The following SPAG16 variants were observed in gnomAD, a reference collection of about 807,000 sequenced individuals.
SPAG16 encodes the protein sperm-associated antigen 16 protein.
SPAG16 carries 86 observed loss-of-function variants against 80.4 expected under a neutral mutation model. That is an observed-to-expected ratio of 1.07 (90% CI 0.90 to 1.28). The LOEUF (loss-of-function observed/expected upper bound fraction) is 1.28. SPAG16 is among the 50% of genes most tolerant of loss of function. The pLI, the probability that SPAG16 is intolerant of heterozygous loss-of-function variation, is 0.00. For missense variants in SPAG16, 870 were observed against 765.3 expected (o/e 1.14, Z -1.61); for synonymous variants, 294 against 265.9 (o/e 1.11, Z -1.03).
chr2:214,208,096 C>T (rs1223417036), intron 15 of SPAG16, among the ~76,000 whole-genome samples: 8 of 152,184 alleles, frequency 5.3e-5, no homozygotes. Flanking sequence ...ACCAATTCTC[C>T]TTAATAACTC....
chr2:213,717,961 C>T (rs1338538190), intron 10 of SPAG16, among the ~76,000 whole-genome samples: 2 of 151,868 alleles, frequency 1.3e-5, no homozygotes, highest in East Asian at 1.9e-4. Flanking sequence ...GACTAAAACA[C>T]GAAAAGCAAT....
rs370197905 is a variant in SPAG16, at chr2:213,677,975, C to T, written c.1071-184510C>T. On this transcript the variant is annotated intron_variant, in intron 10 of 15. Transcript: ENST00000331683. The stretch of plus-strand genomic sequence containing the variant: ...CAGGATTAAGAAACTCACTCAAAAC[C>T]GCTCAACTACATGGAAACTGAACAA... Among the ~76,000 whole-genome samples, 501 of 151,828 alleles carry T rather than the reference C, an allele frequency of 3.3e-3. 5 individuals are homozygous for T. The highest frequency in any genetic ancestry group is 0.011 in the African/African-American group (462 of 41,406).
At chr2:213,946,653 A>C (rs1004715454) in intron 12 of SPAG16, among the ~76,000 whole-genome samples, 1 of 152,198 alleles carries the variant, frequency 6.6e-6, no homozygotes, top group Non-Finnish European at 1.5e-5. Flanking sequence ...AAATTGGTAC[A>C]ATATTATTAA....
chr2:213,831,485 G>A (rs920559530), intron 10 of SPAG16, among the ~76,000 whole-genome samples: 1 of 151,300 alleles, frequency 6.6e-6, no homozygotes, highest in African/African-American at 2.4e-5. Flanking sequence ...ATGAAGTCCT[G>A]TTAACTAACA....
At chr2:214,227,702 ATGTGTGTGTGTGTGTGTG>A (rs3044944) in intron 15 of SPAG16, among the ~76,000 whole-genome samples, 3 of 145,660 alleles carry the variant, frequency 2.1e-5, no homozygotes, top group Admixed American at 1.4e-4. Context: ...TGGAAGGTGT[ATGTGTGTGTGTGTGTGTG>A]TGTGTGTGTG....
intron 13 of SPAG16, among the ~76,000 whole-genome samples, chr2:214,077,452 T>G (rs1257572518): frequency 1.3e-5 from 2 of 152,234 alleles, no homozygotes; most frequent in African/African-American, 4.8e-5. Flanking sequence ...TTAAAGGCCT[T>G]ATTCTCAGTT....
At chr2:213,451,754 G>A (rs1002121827) in intron 9 of SPAG16, among the ~76,000 whole-genome samples, 3 of 152,160 alleles carry the variant, frequency 2.0e-5, no homozygotes, top group Non-Finnish European at 2.9e-5. Flanking sequence ...GGTTAGGACC[G>A]GGTGTGCCGT....
At chr2:213,919,817 C>T (rs897432607) in intron 11 of SPAG16, among the ~76,000 whole-genome samples, 1 of 152,004 alleles carries the variant, frequency 6.6e-6, no homozygotes, top group African/African-American at 2.4e-5. Flanking sequence ...TCCTTTTGAT[C>T]CAGTGCTCAG....
chr2:214,072,188 T>C (rs1026052450), intron 13 of SPAG16, among the ~76,000 whole-genome samples: 10 of 152,100 alleles, frequency 6.6e-5, no homozygotes, highest in Non-Finnish European at 2.9e-5. Context: ...GCACCTGTTA[T>C]ATGAGAGAAG....
At chr2:213,675,569 G>A (rs547614005) in intron 10 of SPAG16, among the ~76,000 whole-genome samples, 2 of 152,276 alleles carry the variant, frequency 1.3e-5, no homozygotes, top group Non-Finnish European at 2.9e-5. Flanking sequence ...TGTATAAGGT[G>A]TAAGGAAGGG....
rs375082629 is a variant in SPAG16 at position 213,514,770 on chromosome 2, G to A, written c.1070+24680G>A. ...TATAATTTTAACACTGAAATTATTT[G>A]CTAGTGAAGATACAAATCTATGCTA... On this transcript the variant is annotated intron_variant, in intron 10 of 15. Coordinates refer to ENST00000331683, the MANE Select transcript of SPAG16 (RefSeq NM_024532.5). 7.9e-5 allele frequency among the ~76,000 whole-genome samples: 12 copies of A among 151,908 alleles called. No homozygotes were observed. The East Asian group carries it at 2.3e-3, about 29-fold the overall frequency.
At chr2:213,833,416 T>C (rs1426799239) in intron 10 of SPAG16, among the ~76,000 whole-genome samples, 1 of 87,626 alleles carries the variant, frequency 1.1e-5, no homozygotes, top group Non-Finnish European at 2.2e-5. Context: ...TGTGTATGTA[T>C]GTATGTATCT....
chr2:213,319,829 A>T (rs543452929), intron 5 of SPAG16, among the ~76,000 whole-genome samples: 1 of 152,152 alleles, frequency 6.6e-6, no homozygotes, highest in African/African-American at 2.4e-5. Context: ...ACTCATGCAG[A>T]TTATTAACTT....
Position 213,932,182 on chromosome 2 carries a change from ATATATATATATATAT to A in SPAG16, c.1400+2038_1400+2052del, listed in dbSNP as rs2078786281. On this transcript the variant is annotated intron_variant, in intron 12 of 15. Coordinates refer to ENST00000331683, the MANE Select transcript of SPAG16 (RefSeq NM_024532.5). The stretch of plus-strand genomic sequence containing the variant: ...TATATATATATATATATATATATAT[ATATATATATATATAT>A]ATTTGTTGTTGTTGTTGTTGTTGTT... Among the ~76,000 whole-genome samples the A allele has an allele frequency of 1.5e-4, 3 of 20,022 alleles. No homozygotes were observed. In the Admixed American group the frequency reaches 1.9e-3, roughly 13 times the overall value. 13.1% of individuals were successfully genotyped at this position (20,022 alleles called of 152,430 possible). A position where few individuals can be genotyped will look rare whatever the true frequency, so the allele number is the denominator to read the frequency against.
Position 214,108,209 on chromosome 2 carries a change from A to C in SPAG16, c.1541A>C (p.Gln514Pro), listed in dbSNP as rs2053477582. The C allele has an allele frequency of 6.9e-6, 11 of 1,592,232 alleles. No homozygotes were observed. Among genetic ancestry groups the C allele is most frequent in the African/African-American group, 1.3e-5 (1 of 74,766 alleles). The stretch of plus-strand genomic sequence containing the variant: ...TTGTCTTCCTAGGGTATATGTGAGC[A>C]GTCACTTTATGGTCACATGCATTCT... ...IWDARTGICE[Q>P]SLYGHMHSIN... Residue 514 changes from glutamine to proline, a missense_variant, in exon 14 of 16, where the codon CAG (glutamine) becomes CCG (proline). Coordinates refer to ENST00000331683, the MANE Select transcript of SPAG16 (RefSeq NM_024532.5).
intron 15 of SPAG16, among the ~76,000 whole-genome samples, chr2:214,335,392 G>A: frequency 6.6e-6 from 1 of 151,916 alleles, no homozygotes; most frequent in Middle Eastern, 3.2e-3. Flanking sequence ...CTGCCTAGGT[G>A]AATAAAAAAT....
At chr2:214,268,597 A>G (rs1691762473) in intron 15 of SPAG16, among the ~76,000 whole-genome samples, 1 of 151,954 alleles carries the variant, frequency 6.6e-6, no homozygotes, top group Non-Finnish European at 1.5e-5. Context: ...AAAACTCAAT[A>G]TTTTATCTTT....
chr2:213,752,910 C>T (rs1043684818), intron 10 of SPAG16, among the ~76,000 whole-genome samples: 2 of 152,282 alleles, frequency 1.3e-5, no homozygotes, highest in East Asian at 1.9e-4. Context: ...TACAAACCAT[C>T]GTCTTATGTT....
Position 213,976,130 on chromosome 2 carries a change from A to G in SPAG16, c.1401-37821A>G, listed in dbSNP as rs535565101. Among the ~76,000 whole-genome samples the G allele has an allele frequency of 4.6e-5, 5 of 108,526 alleles. No homozygotes were observed. In the South Asian group the frequency reaches 2.7e-3, roughly 58 times the overall value. 71.2% of individuals were successfully genotyped at this position (108,526 alleles called of 152,430 possible). A position where few individuals can be genotyped will look rare whatever the true frequency, so the allele number is the denominator to read the frequency against. ...GGGAGATATATATATATATATATATATATATACACACACACACACACACAC... is the reference window on the plus strand; with the variant it reads ...GGGAGATATATATATATATATATATGTATATACACACACACACACACACAC... On this transcript the variant is annotated intron_variant, in intron 12 of 15. Coordinates refer to ENST00000331683, the MANE Select transcript of SPAG16 (RefSeq NM_024532.5).
Sources: allele counts gnomAD v4.1 joint callset (sites outside exome capture counted in the v4.1 genomes callset), GRCh38; gene constraint gnomAD v4.1.1; transcripts MANE v1.5; gene names NCBI Gene and HGNC (gene_info 2026-07-23, HGNC 2026-07-21).